CDH4: variants seen among roughly 807,000 people sequenced by gnomAD.
CDH4 encodes cadherin-4.
In CDH4, 33 loss-of-function variants were observed where a neutral mutation model predicts 86.0. That is an observed-to-expected ratio of 0.38 (90% CI 0.29 to 0.51). CDH4 has a LOEUF of 0.51. Among genes scored for constraint, CDH4 ranks in the 20% least tolerant of loss-of-function variants. CDH4 has a pLI of 0.86. For synonymous variants in CDH4, 555 were observed against 549.4 expected (o/e 1.01, Z -0.14); for missense variants, 1,114 against 1,307.4 (o/e 0.85, Z 2.28).
intron 2 of CDH4, among the ~76,000 whole-genome samples, chr20:61,303,979 C>T (rs2084399853): frequency 6.6e-6 from 1 of 152,136 alleles, no homozygotes; most frequent in African/African-American, 2.4e-5. Flanking sequence ...GGCTGTTCTT[C>T]TGAAGGTTAA....
chr20:61,403,466 C>T (rs1016434605), intron 2 of CDH4, among the ~76,000 whole-genome samples: 4 of 152,136 alleles, frequency 2.6e-5, no homozygotes, highest in Non-Finnish European at 4.4e-5. Context: ...CTGAGGTCTA[C>T]GGTCCCCTCT....
intron 2 of CDH4, among the ~76,000 whole-genome samples, chr20:61,543,874 G>A (rs987846563): frequency 5.3e-5 from 8 of 152,200 alleles, no homozygotes. Flanking sequence ...CTGGCAGGTG[G>A]CCCTCCTCCC....
intron 2 of CDH4, among the ~76,000 whole-genome samples, chr20:61,284,775 C>G (rs192101172): frequency 4.1e-4 from 63 of 152,292 alleles, no homozygotes; most frequent in Admixed American, 1.2e-3. Flanking sequence ...CTTTCTAGGG[C>G]CTGGAACCAA....
intron 3 of CDH4, among the ~76,000 whole-genome samples, chr20:61,750,590 TCTCCCAAAGTTTTGTC>T (rs1340111418): frequency 6.6e-6 from 1 of 152,118 alleles, no homozygotes; most frequent in Non-Finnish European, 1.5e-5. Context: ...GAGGAATTGC[TCTCCCAAAGTTTTGTC>T]CTCCCAAATC....
chr20:61,548,173 A>G (rs1479116793), intron 2 of CDH4, among the ~76,000 whole-genome samples: 1 of 152,154 alleles, frequency 6.6e-6, no homozygotes, highest in African/African-American at 2.4e-5. Context: ...AAAACAATAT[A>G]AGAGGTTTCT....
At chr20:61,376,739 G>A (rs1202424201) in intron 2 of CDH4, among the ~76,000 whole-genome samples, 1 of 152,202 alleles carries the variant, frequency 6.6e-6, no homozygotes, top group Admixed American at 6.5e-5. Flanking sequence ...CAGACCCCCA[G>A]GCAAGCCCTG....
At chr20:61,499,208 G>A (rs948413145) in intron 2 of CDH4, among the ~76,000 whole-genome samples, 38 of 152,202 alleles carry the variant, frequency 2.5e-4, no homozygotes, top group Admixed American at 7.8e-4. Flanking sequence ...CCCTGGTTGC[G>A]GAAGCCAGTA....
chr20:61,662,187 G>A (rs139073832), intron 2 of CDH4, among the ~76,000 whole-genome samples: 1 of 152,254 alleles, frequency 6.6e-6, no homozygotes, highest in African/African-American at 2.4e-5. Context: ...ATCGATGCTG[G>A]TAGACCATGC....
intron 9 of CDH4, among the ~76,000 whole-genome samples, chr20:61,921,527 G>A (rs369565538): frequency 7.9e-5 from 12 of 152,234 alleles, no homozygotes; most frequent in East Asian, 3.8e-4. Context: ...CGAGGCAGGC[G>A]GATCACCTGA....
At chr20:61,815,751 G>A (rs182976821) in intron 4 of CDH4, among the ~76,000 whole-genome samples, 24 of 152,134 alleles carry the variant, frequency 1.6e-4, no homozygotes, top group Admixed American at 7.9e-4. Context: ...AAGGAACACC[G>A]GTTTTCTGAT....
intron 4 of CDH4, among the ~76,000 whole-genome samples, 165 bp downstream of exon 4, chr20:61,773,347 C>A (rs762618368): frequency 6.6e-6 from 1 of 152,226 alleles, no homozygotes; most frequent in Admixed American, 6.5e-5. Flanking sequence ...ATGAAAAATT[C>A]AGGCGGGGAA....
chr20:61,539,829 C>T (rs956166471), intron 2 of CDH4, among the ~76,000 whole-genome samples: 8 of 152,256 alleles, frequency 5.3e-5, no homozygotes, highest in Admixed American at 3.3e-4. Context: ...TTCCCTTGGC[C>T]GGAGCTGAGC....
In CDH4 at chr20:61,852,985, T is replaced by G. The variant is rs1045284598; in HGVS notation, c.877+87T>G. 9.3e-6 allele frequency: 13 copies of G among 1,401,796 alleles called. No homozygotes were observed. In the South Asian group the frequency reaches 1.7e-4, roughly 19 times the overall value. 86.8% of individuals were successfully genotyped at this position (1,401,796 alleles called of 1,614,324 possible). On this transcript the variant is annotated intron_variant, in intron 6 of 15. Transcript: ENST00000614565. ...CTGAGGGCAGGGGAGGGCTGCTTAG[T>G]CCCCGCTACCAGGATGGTGCCACGG...
chr20:61,442,812 T>C lies in CDH4; in HGVS notation c.169+187875T>C, dbSNP rs912240389. Among the ~76,000 whole-genome samples the C allele has an allele frequency of 4.6e-5, 7 of 152,326 alleles. No individual in the cohort carries two copies. In the South Asian group the frequency reaches 1.5e-3, roughly 32 times the overall value. ...AAAAATACACACGTGTGGGAATGCA[T>C]GTCTTGGGTTTGAGCACTGATCCTT... On this transcript the variant is annotated intron_variant, in intron 2 of 15. Transcript: ENST00000614565.
chr20:61,293,423 C>T (rs1262904616), intron 2 of CDH4, among the ~76,000 whole-genome samples: 1 of 152,110 alleles, frequency 6.6e-6, no homozygotes, highest in Non-Finnish European at 1.5e-5. Flanking sequence ...CGACCCCTGG[C>T]TGGAGAGGCC....
intron 2 of CDH4, among the ~76,000 whole-genome samples, chr20:61,729,719 G>T (rs2088155928): frequency 6.6e-6 from 1 of 152,222 alleles, no homozygotes; most frequent in Admixed American, 6.5e-5. Context: ...TTGCCATGTT[G>T]GCTGGCTTTT....
chr20:61,618,721 C>T (rs2086745702), intron 2 of CDH4, among the ~76,000 whole-genome samples: 1 of 152,188 alleles, frequency 6.6e-6, no homozygotes, highest in African/African-American at 2.4e-5. Flanking sequence ...GTGGAGGCCC[C>T]TATTGTTTCG....
At chr20:61,396,217 C>T (rs2085015878) in intron 2 of CDH4, among the ~76,000 whole-genome samples, 1 of 152,104 alleles carries the variant, frequency 6.6e-6, no homozygotes, top group Non-Finnish European at 1.5e-5. Flanking sequence ...GTGGTTATTC[C>T]CAAACTCAGG....
rs138946276 is a variant in CDH4 at position 61,617,370 on chromosome 20, C to T, written c.170-126193C>T. ...GCATGAATTGTCAACTGAAGACTCC[C>T]GAGGTCCCTGCGTTTGGAGAGGAGA... On this transcript the variant is annotated intron_variant, in intron 2 of 15. Coordinates refer to ENST00000614565, the MANE Select transcript of CDH4 (RefSeq NM_001794.5). Among the ~76,000 whole-genome samples, 596 of 152,296 alleles carry T rather than the reference C, an allele frequency of 3.9e-3. 4 individuals carry two copies. The highest frequency in any genetic ancestry group is 0.013 in the African/African-American group (547 of 41,580).
Sources: allele counts gnomAD v4.1 joint callset (sites outside exome capture counted in the v4.1 genomes callset), GRCh38; gene constraint gnomAD v4.1.1; transcripts MANE v1.5; gene names NCBI Gene and HGNC (gene_info 2026-07-23, HGNC 2026-07-21).